The following C4orf50 variants were observed in gnomAD, a reference collection of about 807,000 sequenced individuals.
C4orf50 encodes chromosome 4 open reading frame 50.
A neutral mutation model predicts 77.2 loss-of-function variants in C4orf50; 80 were observed. That is an observed-to-expected ratio of 1.04 (90% confidence interval 0.87 to 1.25). C4orf50 has a LOEUF of 1.25. Ranked by LOEUF, C4orf50 falls within the 50% of genes most tolerant of loss-of-function variation. C4orf50 has a pLI of 0.00. For synonymous variants in C4orf50, 532 were observed against 465.3 expected, an observed-to-expected ratio of 1.14 and a Z score of -1.84; for missense variants, 1,257 against 1,152.9, an observed-to-expected ratio of 1.09 and a Z score of -1.31.
rs552004627 is a variant in C4orf50, at chr4:5,910,934, G to A, written c.*2475-12746C>T. Among the ~76,000 whole-genome samples the A allele has an allele frequency of 3.5e-3, 440 of 125,164 alleles. 1 individual carries two copies. Among genetic ancestry groups the A allele is most frequent in the African/African-American group, 0.012 (405 of 34,886 alleles). 82.1% of individuals were successfully genotyped at this position (125,164 alleles called of 152,430 possible). The stretch of plus-strand genomic sequence containing the variant: ...TTTTTTTTTTTTTTTTTTTGAGACG[G>A]AGTCTCTGTCGCCCAGGCTGGAGTG... On this transcript the variant is annotated intron_variant, in intron 7 of 7. Transcript: ENST00000324058.
At chr4:5,949,399 A>G (rs960923773) in intron 7 of C4orf50, among the ~76,000 whole-genome samples, 1 of 152,238 alleles carries the variant, frequency 6.6e-6, no homozygotes, top group Non-Finnish European at 1.5e-5. Context: ...AACACGGATG[A>G]ACCTCAAAGA....
intron 29 of C4orf50, among the ~76,000 whole-genome samples, chr4:5,977,536 T>G (rs1213141509): frequency 6.6e-6 from 1 of 152,244 alleles, no homozygotes; most frequent in Admixed American, 6.5e-5. Flanking sequence ...CTGACCTCAT[T>G]CTTTTAAAAG....
At chr4:5,936,220 A>C (rs556241562) in intron 7 of C4orf50, among the ~76,000 whole-genome samples, 1 of 150,170 alleles carries the variant, frequency 6.7e-6, no homozygotes, top group Non-Finnish European at 1.5e-5. Flanking sequence ...AAAAAAAAAA[A>C]TGAGCTTCAG....
exon 28 of C4orf50, chr4:5,988,658 G>A: frequency 6.5e-7 from 1 of 1,536,052 alleles, no homozygotes; most frequent in African/African-American, 1.4e-5. Context: ...TCTTTGTCTA[G>A]AGCGTGCATC....
rs778181302 is a variant in C4orf50 at position 6,015,327 on chromosome 4, A to T, written c.287+2818T>A. The stretch of plus-strand genomic sequence containing the variant: ...GAGGAGGAGAGGAGGACACAGACAC[A>T]CACAGAGGGATGACCATGTGACGAC... On this transcript the variant is annotated intron_variant, in intron 23 of 33. Coordinates refer to ENST00000531445, the Ensembl canonical transcript of C4orf50. The surrounding 1 kb of genome is among the most constrained non-coding windows in gnomAD (Gnocchi z 4.4). Among the ~76,000 whole-genome samples the T allele has an allele frequency of 1.3e-5, 2 of 152,162 alleles. No homozygotes were observed. The highest frequency in any genetic ancestry group is 6.6e-5 in the Admixed American group (1 of 15,264).
chr4:5,950,273 A>C (rs1198980814), intron 7 of C4orf50, among the ~76,000 whole-genome samples: 1 of 152,204 alleles, frequency 6.6e-6, no homozygotes, highest in Non-Finnish European at 1.5e-5. Context: ...TATTTGATGA[A>C]GTGAAGGAGT....
rs764642812 is a variant in C4orf50 at position 5,919,038 on chromosome 4, G to A, written c.*2475-20850C>T. ...GAGTCAAAGGGCTTGCCCAAGTCTC[G>A]GTGCTTCTCAAGAGAACTTGCTGCT... On this transcript the variant is annotated intron_variant, in intron 7 of 7. Transcript: ENST00000324058. The surrounding 1 kb of genome is among the most constrained non-coding windows in gnomAD (Gnocchi z 6.5). Among the ~76,000 whole-genome samples, 34 of 152,182 alleles carry A rather than the reference G, an allele frequency of 2.2e-4. 1 individual carries two copies. The highest frequency in any genetic ancestry group is 2.4e-5 in the African/African-American group (1 of 41,456).
intron 7 of C4orf50, among the ~76,000 whole-genome samples, chr4:5,941,206 G>A (rs547653899): frequency 3.9e-5 from 6 of 152,316 alleles, no homozygotes; most frequent in Non-Finnish European, 7.3e-5. Flanking sequence ...TTGTGCCAGA[G>A]TCTATGCTGA....
intron 7 of C4orf50, among the ~76,000 whole-genome samples, chr4:5,936,326 C>G (rs548813659): frequency 1.5e-3 from 234 of 152,142 alleles, no homozygotes; most frequent in Middle Eastern, 0.01. Context: ...CTTTGGGAGG[C>G]CGAGGCGGGT....
At position 5,907,270 on chromosome 4, in the gene C4orf50, G is replaced by A. The variant is rs569276866; in HGVS notation, c.*2475-9082C>T. ...TCACCAATAAGTTAATGGAACAACCGTTTAAGAAGTAACAAGTACCACAGG... is the reference window on the plus strand; with the variant it reads ...TCACCAATAAGTTAATGGAACAACCATTTAAGAAGTAACAAGTACCACAGG... On this transcript the variant is annotated intron_variant, in intron 7 of 7. Transcript: ENST00000324058. Among the ~76,000 whole-genome samples, 7 of 152,158 alleles carry A rather than the reference G, an allele frequency of 4.6e-5. No individual in the cohort carries two copies. In the South Asian group the frequency reaches 8.3e-4, roughly 18 times the overall value.
intron 7 of C4orf50, among the ~76,000 whole-genome samples, chr4:5,926,936 T>A (rs568514796): frequency 1.3e-5 from 2 of 152,332 alleles, no homozygotes; most frequent in South Asian, 4.1e-4. Flanking sequence ...TGTGCCCATG[T>A]TTCTGGTGAA....
At position 5,965,009 on chromosome 4, in the gene C4orf50, C is replaced by A. The variant is rs778322518; in HGVS notation, c.4275+15G>T. ...AAAGTTCATTTAGGAAATGAGGTGA[C>A]AGGTGCCTTCTCACCTTCAGAGAAT... On this transcript the variant is annotated intron_variant, in intron 33 of 33. Coordinates refer to ENST00000531445, the Ensembl canonical transcript of C4orf50. 1.7e-5 allele frequency: 27 copies of A among 1,605,606 alleles called. No homozygotes were observed. Among genetic ancestry groups the A allele is most frequent in the South Asian group, 4.5e-5 (4 of 89,470 alleles).
chr4:5,904,221 C>G (rs150802767), intron 7 of C4orf50: 1 of 152,214 alleles, frequency 6.6e-6, no homozygotes, highest in Non-Finnish European at 1.5e-5. Context: ...GGCCCCTGGC[C>G]GCCAGTGTAA....
rs1388031069 is a variant in C4orf50 at position 5,992,769 on chromosome 4, A to G, written c.1221+34T>C. ...GGCAGGGCTGAGGGGAACCAGTGGC[A>G]CTGCACACACACGCAGAAAGCCTCT... On this transcript the variant is annotated intron_variant, in intron 27 of 33. Transcript: ENST00000531445. This position sits in a 1 kb window ranked among gnomAD's most constrained non-coding sequence, Gnocchi z 5.0. The G allele has an allele frequency of 4.5e-5, 18 of 399,076 alleles. No homozygotes were observed. The East Asian group carries it at 6.4e-4, about 14-fold the overall frequency. The allele number at this position is 399,076 out of a possible 1,614,324, so 24.7% of individuals were successfully genotyped here.
downstream of C4orf50, among the ~76,000 whole-genome samples, chr4:5,955,563 T>C (rs1285038361): frequency 6.6e-6 from 1 of 152,212 alleles, no homozygotes; most frequent in African/African-American, 2.4e-5. The surrounding 1 kb of genome is among the most constrained non-coding windows in gnomAD (Gnocchi z 5.1). Flanking sequence ...GGCCCACAGC[T>C]GCCGCGTGGT....
chr4:5,983,942 G>T (rs1298622384), intron 28 of C4orf50, among the ~76,000 whole-genome samples: 1 of 152,224 alleles, frequency 6.6e-6, no homozygotes, highest in South Asian at 2.1e-4. Flanking sequence ...GCCTTGCAAA[G>T]AACAGCAGCT....
chr4:5,966,816 AT>A (rs1719599714), intron 32 of C4orf50, among the ~76,000 whole-genome samples: 1 of 151,818 alleles, frequency 6.6e-6, no homozygotes, highest in African/African-American at 2.4e-5. Context: ...TACCCAGCTA[AT>A]TTTTGTATTT....
In C4orf50 at chr4:6,009,625, C is replaced by T. The variant is rs975074917; in HGVS notation, c.427-1093G>A. Among the ~76,000 whole-genome samples, 4 of 152,108 alleles carry T rather than the reference C, an allele frequency of 2.6e-5. No individual in the cohort carries two copies. Among genetic ancestry groups the T allele is most frequent in the African/African-American group, 7.2e-5 (3 of 41,406 alleles). ...TGCCTTTGACAGCTTTCAGAATGAC[C>T]GCAGGTCACTACAGAAACGAGGCAT... On this transcript the variant is annotated intron_variant, in intron 24 of 33. Transcript: ENST00000531445. This position sits in a 1 kb window ranked among gnomAD's most constrained non-coding sequence, Gnocchi z 5.6.
intron 7 of C4orf50, among the ~76,000 whole-genome samples, chr4:5,929,162 G>T (rs924521965): frequency 6.6e-6 from 1 of 152,100 alleles, no homozygotes; most frequent in African/African-American, 2.4e-5. Flanking sequence ...TTCTAAGAAC[G>T]CACTATTATA....
Sources: allele counts gnomAD v4.1 joint callset (sites outside exome capture counted in the v4.1 genomes callset), GRCh38; gene constraint gnomAD v4.1.1; non-coding constraint Gnocchi (gnomAD v3.1); transcripts MANE v1.5; gene names NCBI Gene and HGNC (gene_info 2026-07-23, HGNC 2026-07-21).